INTU: variants seen among roughly 807,000 people sequenced by gnomAD.
INTU encodes inturned planar cell polarity protein.
A neutral mutation model predicts 100.5 loss-of-function variants in INTU; 68 were observed. The ratio of observed to expected loss-of-function variants is 0.68; its 90% CI spans 0.56 to 0.83. INTU has a LOEUF of 0.83. Ranked by LOEUF, INTU falls within the 40% of genes least tolerant of loss-of-function variation. The pLI is 0.00. For missense variants in INTU, 1,071 were observed against 1,114.7 expected (o/e 0.96, Z 0.56); for synonymous variants, 357 against 395.7 (o/e 0.90, Z 1.16).
In INTU at chr4:127,640,570, T is replaced by C. The variant is rs1400952503; in HGVS notation, c.147-2951T>C. Among the ~76,000 whole-genome samples, 18 of 73,228 alleles carry C rather than the reference T, an allele frequency of 2.5e-4. 1 individual carries two copies. The East Asian group carries it at 9.7e-3, about 40-fold the overall frequency. The allele number at this position is 73,228 out of a possible 152,430, so 48.0% of individuals were successfully genotyped here. A position where few individuals can be genotyped will look rare whatever the true frequency, so the allele number is the denominator to read the frequency against. On this transcript the variant is annotated intron_variant, in intron 1 of 15. Transcript: ENST00000335251. ...ATATATATATATATATATATATATATATATATATATATATATATATACATA... is the reference window on the plus strand; with the variant it reads ...ATATATATATATATATATATATATACATATATATATATATATATATACATA...
intron 7 of INTU, 24 bp from the exon 8 acceptor site, chr4:127,687,654 A>C (rs1334572951): frequency 1.3e-6 from 2 of 1,586,728 alleles, no homozygotes; most frequent in Non-Finnish European, 1.7e-6. Flanking sequence ...ATGTCGTTCT[A>C]ACTTACAGCT....
chr4:127,701,272 T>C (rs1405017613), intron 9 of INTU, among the ~76,000 whole-genome samples: 3 of 152,076 alleles, frequency 2.0e-5, no homozygotes, highest in Non-Finnish European at 4.4e-5. Context: ...TCCAAATAAA[T>C]TAGAAAAGGC....
At chr4:127,635,425 A>G (rs1286151726) in intron 1 of INTU, among the ~76,000 whole-genome samples, 1 of 152,200 alleles carries the variant, frequency 6.6e-6, no homozygotes, top group Non-Finnish European at 1.5e-5. Flanking sequence ...TTACCAGCTA[A>G]TATGCCTAGT....
chr4:127,689,673 A>C (rs1319961421), intron 8 of INTU, among the ~76,000 whole-genome samples: 2 of 151,954 alleles, frequency 1.3e-5, no homozygotes, highest in Non-Finnish European at 2.9e-5. Context: ...CAGGAAAGGA[A>C]AGGAAAAGGA....
chr4:127,709,641 TGG>T (rs1731018357), intron 13 of INTU, among the ~76,000 whole-genome samples: 1 of 151,948 alleles, frequency 6.6e-6, no homozygotes, highest in Non-Finnish European at 1.5e-5. Context: ...ACATCATGTG[TGG>T]GATCAACTGG....
intron 9 of INTU, among the ~76,000 whole-genome samples, chr4:127,703,860 G>C (rs1271078690): frequency 6.6e-6 from 1 of 152,032 alleles, no homozygotes; most frequent in Non-Finnish European, 1.5e-5. Context: ...CTTGCAAATA[G>C]GTTGCATCAA....
chr4:127,649,727 C>T (rs931908861), intron 2 of INTU, among the ~76,000 whole-genome samples: 1 of 152,106 alleles, frequency 6.6e-6, no homozygotes, highest in South Asian at 2.1e-4. Context: ...ATATTAAGCT[C>T]CCTGAGAGTA....
In INTU at chr4:127,716,550, A is replaced by G. The variant is rs1279642234; in HGVS notation, c.*114A>G. On this transcript the variant is annotated 3_prime_UTR_variant, in exon 16 of 16. Transcript: ENST00000335251. Reference sequence around the variant, plus strand: ...AGCTTCTTTTTACTATTCAATATTGAACATAATATTGTTAAATATTGAGAT... The same window carrying G: ...AGCTTCTTTTTACTATTCAATATTGGACATAATATTGTTAAATATTGAGAT... The G allele has an allele frequency of 2.3e-6, 1 of 425,578 alleles. No homozygotes were observed. Among genetic ancestry groups the G allele is most frequent in the Non-Finnish European group, 4.2e-6 (1 of 239,408 alleles). 26.4% of individuals were successfully genotyped at this position (425,578 alleles called of 1,614,324 possible).
intron 7 of INTU, 35 bp downstream of exon 7, chr4:127,684,521 A>G (rs780396183): frequency 8.3e-7 from 1 of 1,200,646 alleles, no homozygotes; most frequent in South Asian, 1.3e-5. Flanking sequence ...TCAAGTTTTA[A>G]TTATGTGATT....
At chr4:127,679,295 T>C (rs1560856623) in intron 6 of INTU, among the ~76,000 whole-genome samples, 1 of 152,088 alleles carries the variant, frequency 6.6e-6, no homozygotes, top group Non-Finnish European at 1.5e-5. Context: ...ATCAACAGAA[T>C]ATACATTTTT....
intron 9 of INTU, among the ~76,000 whole-genome samples, chr4:127,703,951 G>C (rs1255975776): frequency 6.6e-6 from 1 of 152,114 alleles, no homozygotes; most frequent in African/African-American, 2.4e-5. Flanking sequence ...CTAAAAAGAT[G>C]TGTTGTAAGA....
chr4:127,636,426 T>C lies in INTU; in HGVS notation c.146+3246T>C, dbSNP rs184881223. Among the ~76,000 whole-genome samples the C allele has an allele frequency of 8.7e-4, 132 of 151,802 alleles. 1 individual carries two copies. Among genetic ancestry groups the C allele is most frequent in the African/African-American group, 3.1e-3 (127 of 41,400 alleles). The stretch of plus-strand genomic sequence containing the variant: ...ACGAGTTCGAGACCAGCCTGGCCAA[T>C]ATGGTGAAACCCCATCTCTACTAAA... On this transcript the variant is annotated intron_variant, in intron 1 of 15. Coordinates refer to ENST00000335251, the MANE Select transcript of INTU (RefSeq NM_015693.4).
At chr4:127,644,132 T>TA (rs1727464579) in intron 2 of INTU, 76 bp downstream of exon 2, 14 of 1,415,540 alleles carry the variant, frequency 9.9e-6, no homozygotes, top group African/African-American at 1.4e-5. Flanking sequence ...GGAAATGTGA[T>TA]AAAAACAATT....
rs986610617 is a variant in INTU, at chr4:127,656,827, T to A, written c.768+106T>A. 8.4e-6 allele frequency: 5 copies of A among 596,306 alleles called. No homozygotes were observed. The African/African-American group carries it at 9.1e-5, about 11-fold the overall frequency. 36.9% of individuals were successfully genotyped at this position (596,306 alleles called of 1,614,324 possible). The stretch of plus-strand genomic sequence containing the variant: ...AGCGTCTGAAAAGTATCATGTATAA[T>A]GGATGAGTTACACTGATACTTGCCT... On this transcript the variant is annotated intron_variant, in intron 3 of 15. Coordinates refer to ENST00000335251, the MANE Select transcript of INTU (RefSeq NM_015693.4).
At chr4:127,641,653 T>G (rs903742384) in intron 1 of INTU, among the ~76,000 whole-genome samples, 1 of 152,134 alleles carries the variant, frequency 6.6e-6, no homozygotes, top group Non-Finnish European at 1.5e-5. Context: ...CCTGTATGCC[T>G]CTATCTTGTA....
chr4:127,680,066 T>C (rs1379693495), intron 6 of INTU, among the ~76,000 whole-genome samples: 1 of 152,184 alleles, frequency 6.6e-6, no homozygotes, highest in Non-Finnish European at 1.5e-5. Context: ...AGAAGTTGAC[T>C]CTCTGAATAG....
Position 127,663,574 on chromosome 4 carries a change from C to G in INTU, c.962C>G (p.Ser321Ter). ...ACACTACAGCTCGACTCAGAAACCTCAAAGGAAGAGGTGAGTGTCCTCAAA... is the reference window on the plus strand; with the variant it reads ...ACACTACAGCTCGACTCAGAAACCTGAAAGGAAGAGGTGAGTGTCCTCAAA... ...YLTLQLDSET[S>*]KEEQEILYHY... Residue 321 changes from serine to a stop codon, truncating the protein, a stop_gained, in exon 4 of 16, where the codon TCA (serine) becomes TGA (stop). Coordinates refer to ENST00000335251, the MANE Select transcript of INTU (RefSeq NM_015693.4). LOFTEE classifies it high-confidence loss of function. The G allele has an allele frequency of 3.1e-6, 5 of 1,612,776 alleles. No individual in the cohort carries two copies. In the South Asian group the frequency reaches 5.5e-5, roughly 18 times the overall value.
intron 3 of INTU, among the ~76,000 whole-genome samples, chr4:127,661,382 G>T (rs1728469561): frequency 6.6e-6 from 1 of 150,702 alleles, no homozygotes; most frequent in Non-Finnish European, 1.5e-5. Flanking sequence ...TTGGTAGGTT[G>T]CACCCTACCT....
At chr4:127,706,159 T>G (rs1489886521) in intron 11 of INTU, among the ~76,000 whole-genome samples, 1 of 152,156 alleles carries the variant, frequency 6.6e-6, no homozygotes, top group Non-Finnish European at 1.5e-5. Context: ...GAAAATAATA[T>G]AGAATCAGAA....
Sources: gnomAD v4.1 joint callset for allele counts (sites outside exome capture counted in the v4.1 genomes callset) on GRCh38, gnomAD v4.1.1 for gene constraint, MANE v1.5 for transcripts, NCBI Gene and HGNC (gene_info 2026-07-23, HGNC 2026-07-21) for gene names.